Variants in WWOX observed in about 807,000 individuals in gnomAD.
WWOX encodes WW domain-containing oxidoreductase.
A neutral mutation model predicts 46.2 loss-of-function variants in WWOX; 69 were observed. That is an observed-to-expected ratio of 1.49 (90% confidence interval 1.23 to 1.82). The LOEUF (loss-of-function observed/expected upper bound fraction) is 1.82. Ranked by LOEUF, WWOX falls within the 40% of genes most tolerant of loss-of-function variation. The pLI is 0.00. For synonymous variants in WWOX, 359 were observed against 202.6 expected (o/e 1.77, Z -6.56); for missense variants, 919 against 542.6 (o/e 1.69, Z -6.89).
intron 8 of WWOX, among the ~76,000 whole-genome samples, chr16:78,815,151 C>T (rs988015510): frequency 2.0e-5 from 3 of 152,036 alleles, no homozygotes; most frequent in Non-Finnish European, 4.4e-5. Context: ...ATAGTGAAAA[C>T]CCATCTCTAC....
At chr16:78,987,390 C>G (rs567873589) in intron 8 of WWOX, among the ~76,000 whole-genome samples, 183 of 152,300 alleles carry the variant, frequency 1.2e-3, no homozygotes, top group African/African-American at 4.1e-3. Flanking sequence ...CTAGCAAAGG[C>G]AGGATTTTTC....
At chr16:78,294,636 T>C (rs1170981356) in intron 5 of WWOX, among the ~76,000 whole-genome samples, 1 of 143,834 alleles carries the variant, frequency 7.0e-6, no homozygotes, top group African/African-American at 2.5e-5. Flanking sequence ...AAGGATAGTC[T>C]AAATACAGCT....
At chr16:79,021,074 T>A (rs2047523264) in intron 8 of WWOX, among the ~76,000 whole-genome samples, 1 of 152,326 alleles carries the variant, frequency 6.6e-6, no homozygotes, top group South Asian at 2.1e-4. Context: ...TTCATTTACC[T>A]CATTCAAAAT....
chr16:78,173,587 C>T (rs916426812), intron 5 of WWOX, among the ~76,000 whole-genome samples: 40 of 151,950 alleles, frequency 2.6e-4, no homozygotes, highest in African/African-American at 8.7e-4. Flanking sequence ...CATGGGCCAT[C>T]GTGCCTGGCC....
At chr16:78,740,048 A>C (rs887348821) in intron 8 of WWOX, among the ~76,000 whole-genome samples, 1 of 152,038 alleles carries the variant, frequency 6.6e-6, no homozygotes, top group Admixed American at 6.6e-5. Flanking sequence ...TTGACCACCT[A>C]ACTGACCCCA....
chr16:79,114,102 T>A lies in WWOX; in HGVS notation c.1057-97506T>A, dbSNP rs118083008. Among the ~76,000 whole-genome samples, 576 of 152,154 alleles carry A rather than the reference T, an allele frequency of 3.8e-3. 3 individuals are homozygous for A. Among genetic ancestry groups the A allele is most frequent in the Admixed American group, 7.0e-3 (107 of 15,262 alleles). On this transcript the variant is annotated intron_variant, in intron 8 of 8. Coordinates refer to ENST00000566780, the MANE Select transcript of WWOX (RefSeq NM_016373.4). ...AAGTTAAGTCATTTGCTAGTAAGGGTTAGAGCCAGGATTTGAACCCAGATG... is the reference window on the plus strand; with the variant it reads ...AAGTTAAGTCATTTGCTAGTAAGGGATAGAGCCAGGATTTGAACCCAGATG...
chr16:78,141,520 C>T (rs559944257), intron 4 of WWOX, among the ~76,000 whole-genome samples: 8 of 148,362 alleles, frequency 5.4e-5, no homozygotes, highest in African/African-American at 1.7e-4. Flanking sequence ...AAATGTATTC[C>T]TAGCCAGGCA....
At chr16:78,444,969 A>G (rs1182940313) in intron 8 of WWOX, among the ~76,000 whole-genome samples, 1 of 152,156 alleles carries the variant, frequency 6.6e-6, no homozygotes, top group Admixed American at 6.5e-5. Context: ...TACAGGTACC[A>G]TTTAAGCTCC....
At chr16:78,425,121 C>G in intron 7 of WWOX, 66 bp downstream of exon 7, 1 of 1,595,752 alleles carries the variant, frequency 6.3e-7, no homozygotes, top group Non-Finnish European at 8.6e-7. Flanking sequence ...TCCCCCAAGG[C>G]TCTCATTCTG....
intron 8 of WWOX, among the ~76,000 whole-genome samples, chr16:78,821,254 G>C (rs2051484919): frequency 6.6e-6 from 1 of 152,106 alleles, no homozygotes; most frequent in African/African-American, 2.4e-5. Flanking sequence ...AGAGCAGAAG[G>C]ATGATAAAAG....
At chr16:78,702,786 T>G (rs1438159494) in intron 8 of WWOX, among the ~76,000 whole-genome samples, 2 of 152,090 alleles carry the variant, frequency 1.3e-5, no homozygotes, top group African/African-American at 4.8e-5. Context: ...CTCTTGCATG[T>G]GTATTTGGAG....
intron 8 of WWOX, among the ~76,000 whole-genome samples, chr16:79,029,776 C>G (rs1876976): frequency 0.14 from 21,796 of 152,002 alleles, 1,664 homozygotes; most frequent in East Asian, 0.23. Flanking sequence ...TAATTGTACC[C>G]TGGATTTATT....
intron 8 of WWOX, among the ~76,000 whole-genome samples, chr16:78,487,205 A>G (rs1400161194): frequency 1.3e-5 from 2 of 151,846 alleles, no homozygotes; most frequent in Non-Finnish European, 2.9e-5. Flanking sequence ...CTTTTTTCTC[A>G]GTTTTTTTTC....
chr16:78,519,517 T>C (rs1267047667), intron 8 of WWOX, among the ~76,000 whole-genome samples: 1 of 151,902 alleles, frequency 6.6e-6, no homozygotes, highest in Non-Finnish European at 1.5e-5. Flanking sequence ...TACATATGGA[T>C]ATATAGACAT....
At chr16:78,610,861 G>A (rs1444462402) in intron 8 of WWOX, among the ~76,000 whole-genome samples, 2 of 152,056 alleles carry the variant, frequency 1.3e-5, no homozygotes, top group Non-Finnish European at 1.5e-5. Context: ...GTGGCATTAA[G>A]TAGAACAACG....
intron 8 of WWOX, among the ~76,000 whole-genome samples, chr16:78,718,039 CTG>C (rs2048606259): frequency 1.6e-5 from 2 of 128,160 alleles, no homozygotes; most frequent in East Asian, 4.4e-4. Context: ...GCCTGCCAGA[CTG>C]CAAACGTTAT....
intron 8 of WWOX, among the ~76,000 whole-genome samples, chr16:78,725,155 G>T (rs1373185984): frequency 6.6e-6 from 1 of 151,868 alleles, no homozygotes; most frequent in Non-Finnish European, 1.5e-5. Flanking sequence ...TTATAAGGGG[G>T]AAACACCTTT....
chr16:78,400,161 G>A (rs916881936), intron 6 of WWOX, among the ~76,000 whole-genome samples: 3 of 152,012 alleles, frequency 2.0e-5, no homozygotes, highest in Non-Finnish European at 2.9e-5. Context: ...GTTATAGTTC[G>A]GTCACTTACT....
chr16:78,498,217 A>AAAAAG (rs1371008851), intron 8 of WWOX, among the ~76,000 whole-genome samples: 32 of 149,830 alleles, frequency 2.1e-4, no homozygotes, highest in Non-Finnish European at 3.7e-4. Flanking sequence ...AAAAAAAAAA[A>AAAAAG]AGAAAAAAAA....
Sources: allele counts gnomAD v4.1 joint callset (sites outside exome capture counted in the v4.1 genomes callset), GRCh38; gene constraint gnomAD v4.1.1; transcripts MANE v1.5; gene names NCBI Gene and HGNC (gene_info 2026-07-23, HGNC 2026-07-21).